The following NSMAF variants were observed in gnomAD, a reference collection of about 807,000 sequenced individuals.
The protein encoded by NSMAF is protein FAN.
In NSMAF, 90 loss-of-function variants were observed where a neutral mutation model predicts 134.9. The ratio of observed to expected loss-of-function variants is 0.67; its 90% confidence interval spans 0.56 to 0.79. The LOEUF (loss-of-function observed/expected upper bound fraction) is 0.79, where lower values mean the gene tolerates loss of function less well. Ranked by LOEUF, NSMAF falls within the 30% of genes least tolerant of loss-of-function variation. The probability of loss-of-function intolerance (pLI) is 0.00; values close to 1 mark genes in which losing one functional copy is unlikely to be tolerated. For synonymous variants in NSMAF, 358 were observed against 389.6 expected (o/e 0.92, Z 0.96); for missense variants, 1,010 against 1,119.0 (o/e 0.90, Z 1.39).
chr8:58,609,350 G>A (rs1197759342), intron 10 of NSMAF, among the ~76,000 whole-genome samples: 1 of 152,146 alleles, frequency 6.6e-6, no homozygotes, highest in African/African-American at 2.4e-5. Context: ...GGAGGAGCAG[G>A]GTTTCTTTTC....
At chr8:58,603,166 T>C (rs2129141400) in intron 13 of NSMAF, 44 bp downstream of exon 13, 2 of 1,553,476 alleles carry the variant, frequency 1.3e-6, no homozygotes, top group Non-Finnish European at 1.8e-6. Flanking sequence ...TACAGATGAC[T>C]ACTCCCCACT....
chr8:58,601,233 T>C, intron 16 of NSMAF, 52 bp downstream of exon 16: 1 of 1,402,174 alleles, frequency 7.1e-7, no homozygotes, highest in Non-Finnish European at 1.0e-6. Flanking sequence ...GTATGTTGTA[T>C]ATATACAATC....
At position 58,659,664 on chromosome 8, in the gene NSMAF, A is replaced by G. The variant is rs1027410306; in HGVS notation, c.-33T>C. ...AGGCGCGGGCGGGCGCAGAGCGCAC[A>G]GGCAGGCCCCGCCGCCGCCTGCCGA... On this transcript the variant is annotated 5_prime_UTR_variant, in exon 1 of 31. Coordinates refer to ENST00000038176, the MANE Select transcript of NSMAF (RefSeq NM_003580.4). The G allele has an allele frequency of 5.1e-6, 7 of 1,368,706 alleles. No individual in the cohort carries two copies. The highest frequency in any genetic ancestry group is 7.7e-5 in the Admixed American group (2 of 25,822). The allele number at this position is 1,368,706 out of a possible 1,614,324, so 84.8% of individuals were successfully genotyped here.
At chr8:58,621,139 C>T (rs1422993153) in intron 9 of NSMAF, among the ~76,000 whole-genome samples, 4 of 152,102 alleles carry the variant, frequency 2.6e-5, no homozygotes, top group African/African-American at 9.7e-5. Context: ...CTATTGTTCC[C>T]TTCTTTGCGT....
At chr8:58,603,532 A>C in intron 12 of NSMAF, 146 bp from the exon 13 acceptor site, 1 of 690,232 alleles carries the variant, frequency 1.4e-6, no homozygotes, top group Non-Finnish European at 2.4e-6. Flanking sequence ...ACTTGTTTTC[A>C]TAAAGTATTT....
At chr8:58,607,345 G>C (rs1418329318) in intron 11 of NSMAF, among the ~76,000 whole-genome samples, 2 of 152,192 alleles carry the variant, frequency 1.3e-5, no homozygotes, top group African/African-American at 4.8e-5. Context: ...ATTAATGTAA[G>C]TTAACTGTGA....
chr8:58,606,425 A>G (rs1806413587), intron 11 of NSMAF, among the ~76,000 whole-genome samples: 2 of 152,110 alleles, frequency 1.3e-5, no homozygotes, highest in South Asian at 2.1e-4. Flanking sequence ...AATAACATAT[A>G]TATATTTTGA....
chr8:58,606,069 A>AATAAAATAAAT, intron 11 of NSMAF, 34 bp from the exon 12 acceptor site: 1 of 1,497,370 alleles, frequency 6.7e-7, no homozygotes, highest in Non-Finnish European at 9.0e-7. Flanking sequence ...TAAAATAAAT[A>AATAAAATAAAT]GCATTGTATT....
intron 26 of NSMAF, chr8:58,588,479 T>C: frequency 5.1e-6 from 6 of 1,186,748 alleles, no homozygotes; most frequent in Admixed American, 5.1e-5. Context: ...GGTGGGGGTG[T>C]TCGGTCCTTG....
chr8:58,637,463 C>T, intron 2 of NSMAF: 1 of 454,782 alleles, frequency 2.2e-6, no homozygotes, highest in South Asian at 1.6e-5. Flanking sequence ...ACTCTTACCA[C>T]TACTATTCAA....
chr8:58,591,068 C>T (rs1057100317), intron 23 of NSMAF, 134 bp from the exon 24 acceptor site: 5 of 1,040,476 alleles, frequency 4.8e-6, no homozygotes, highest in East Asian at 6.8e-5. Context: ...TATGGAAAAC[C>T]GAATGTAAAC....
Position 58,583,991 on chromosome 8 carries a change from C to A in NSMAF, c.*115G>T. On this transcript the variant is annotated 3_prime_UTR_variant, in exon 31 of 31. Coordinates refer to ENST00000038176, the MANE Select transcript of NSMAF (RefSeq NM_003580.4). ...TAGAAAGTTTAAAACCACAAATTTTCCATGTGGTAAAACTTCTAATTACTA... is the reference window on the plus strand; with the variant it reads ...TAGAAAGTTTAAAACCACAAATTTTACATGTGGTAAAACTTCTAATTACTA... 1 of 822,150 alleles carries A rather than the reference C, an allele frequency of 1.2e-6. No individual in the cohort carries two copies. Among genetic ancestry groups the A allele is most frequent in the Non-Finnish European group, 2.0e-6 (1 of 492,318 alleles). 50.9% of individuals were successfully genotyped at this position (822,150 alleles called of 1,614,324 possible).
At position 58,589,510 on chromosome 8, in the gene NSMAF, C is replaced by A; in HGVS notation, c.2153G>T (p.Ser718Ile). ...CCTGTTGTCATGCCAACAGATCTTACTAACAGCATCATCATGTCCCATTAA... is the reference window on the plus strand; with the variant it reads ...CCTGTTGTCATGCCAACAGATCTTAATAACAGCATCATCATGTCCCATTAA... ...DTLMGHDDAVSKICWHDNRLY... is the reference protein window; with the variant it reads ...DTLMGHDDAVIKICWHDNRLY... Residue 718 changes from serine (S) to isoleucine (I), a missense_variant, in exon 26 of 31, where the codon AGT becomes ATT. Transcript: ENST00000038176. 6.4e-7 allele frequency: 1 copy of A among 1,568,848 alleles called. No homozygotes were observed. Among genetic ancestry groups the A allele is most frequent in the South Asian group, 1.2e-5 (1 of 82,534 alleles).
At chr8:58,620,040 T>C (rs1806748990) in intron 9 of NSMAF, among the ~76,000 whole-genome samples, 1 of 152,184 alleles carries the variant, frequency 6.6e-6, no homozygotes, top group Non-Finnish European at 1.5e-5. Context: ...CTCCTTGATA[T>C]AAGGCAATAA....
At chr8:58,612,814 C>T (rs958541907) in intron 9 of NSMAF, among the ~76,000 whole-genome samples, 1 of 152,082 alleles carries the variant, frequency 6.6e-6, no homozygotes, top group African/African-American at 2.4e-5. Context: ...GTAGGAATTT[C>T]CCCATCATAC....
At chr8:58,659,215 G>C in intron 1 of NSMAF, 1 of 1,463,728 alleles carries the variant, frequency 6.8e-7, no homozygotes, top group South Asian at 1.4e-5. Context: ...GAACGCCCGG[G>C]CTCGCGTGCC....
intron 23 of NSMAF, among the ~76,000 whole-genome samples, chr8:58,591,307 A>C (rs1379339046): frequency 2.0e-5 from 3 of 152,142 alleles, no homozygotes; most frequent in Non-Finnish European, 1.5e-5. Flanking sequence ...TAAATAAGAC[A>C]AAAAGATCTT....
intron 23 of NSMAF, 49 bp downstream of exon 23, chr8:58,594,183 A>T (rs1806080478): frequency 6.5e-7 from 1 of 1,526,968 alleles, no homozygotes; most frequent in African/African-American, 1.4e-5. Context: ...TAAAGAACTC[A>T]GACATTCTAG....
rs180844868 is a variant in NSMAF, at chr8:58,602,410, T to C, written c.1046-273A>G. On this transcript the variant is annotated intron_variant, in intron 13 of 30. Transcript: ENST00000038176. The stretch of plus-strand genomic sequence containing the variant: ...TAAAAAAGTTTCTGATTAAGGAACA[T>C]ATATATATTCCAAGTAAAACAACAA... 2.3e-4 allele frequency among the ~76,000 whole-genome samples: 35 copies of C among 152,294 alleles called. No homozygotes were observed. The East Asian group carries it at 6.4e-3, about 28-fold the overall frequency.
Sources: gnomAD v4.1 joint callset for allele counts (sites outside exome capture counted in the v4.1 genomes callset) on GRCh38, gnomAD v4.1.1 for gene constraint, MANE v1.5 for transcripts, NCBI Gene and HGNC (gene_info 2026-07-23, HGNC 2026-07-21) for gene names.